The following CD48 variants were observed in gnomAD, a reference collection of about 807,000 sequenced individuals.
CD48 encodes the protein CD48 molecule, also known as CD48 antigen.
CD48 carries 20 observed loss-of-function variants against 22.0 expected under a neutral mutation model. The observed-to-expected ratio is 0.91, with a 90% CI of 0.64 to 1.32. The LOEUF (loss-of-function observed/expected upper bound fraction) is 1.32, where lower values mean the gene tolerates loss of function less well. Ranked by LOEUF, CD48 falls within the 40% of genes most tolerant of loss-of-function variation. The pLI, the probability that CD48 is intolerant of heterozygous loss-of-function variation, is 0.00. For missense variants in CD48, 307 were observed against 286.5 expected (o/e 1.07, Z -0.52); for synonymous variants, 110 against 110.1 (o/e 1.00, Z 0.01).
At chr1:160,686,905 A>G (rs1314705588) in intron 1 of CD48, among the ~76,000 whole-genome samples, 2 of 152,192 alleles carry the variant, frequency 1.3e-5, no homozygotes, top group East Asian at 1.9e-4. Context: ...TTCGGGCACC[A>G]TTGTCATTGA....
chr1:160,691,839 G>A, intron 1 of CD48: 3 of 363,236 alleles, frequency 8.3e-6, no homozygotes, highest in Non-Finnish European at 1.5e-5. Context: ...GAGATCCCGA[G>A]TACATCTACA....
At chr1:160,703,655 T>C (rs763232775) in intron 1 of CD48, among the ~76,000 whole-genome samples, 3 of 152,122 alleles carry the variant, frequency 2.0e-5, no homozygotes, top group Non-Finnish European at 4.4e-5. Flanking sequence ...TGTAAGGAGA[T>C]GATAACTGCC....
At chr1:160,688,759 T>A (rs1662088183) in intron 1 of CD48, among the ~76,000 whole-genome samples, 1 of 152,196 alleles carries the variant, frequency 6.6e-6, no homozygotes, top group Non-Finnish European at 1.5e-5. Flanking sequence ...TGCCTTTATC[T>A]TCCCATTTTA....
intron 1 of CD48, among the ~76,000 whole-genome samples, chr1:160,706,300 C>T (rs1662793497): frequency 6.6e-6 from 1 of 152,116 alleles, no homozygotes; most frequent in Admixed American, 6.5e-5. Context: ...TCTCAAACTC[C>T]TGACCTCAGG....
chr1:160,684,112 G>A (rs1483076524), intron 2 of CD48: 2 of 152,364 alleles, frequency 1.3e-5, no homozygotes, highest in African/African-American at 4.8e-5. Context: ...ACAGTCCACA[G>A]ATTCCTGAAG....
intron 1 of CD48, among the ~76,000 whole-genome samples, chr1:160,698,419 G>T (rs1294903885): frequency 1.3e-5 from 2 of 152,226 alleles, no homozygotes; most frequent in Admixed American, 6.5e-5. Flanking sequence ...CAGTGATTAT[G>T]GGATTAATTG....
chr1:160,703,291 G>A (rs561848798), intron 1 of CD48, among the ~76,000 whole-genome samples: 8 of 152,290 alleles, frequency 5.3e-5, no homozygotes, highest in South Asian at 2.1e-4. Flanking sequence ...ACTTCAGTAC[G>A]AAAAGTTTGT....
intron 1 of CD48, among the ~76,000 whole-genome samples, chr1:160,694,329 C>T (rs775461269): frequency 2.6e-5 from 4 of 152,110 alleles, no homozygotes; most frequent in Non-Finnish European, 5.9e-5. Flanking sequence ...GTGTGTAAGG[C>T]CGTTATTCAA....
chr1:160,681,554 G>A, intron 2 of CD48, 86 bp from the exon 3 acceptor site: 1 of 1,519,778 alleles, frequency 6.6e-7, no homozygotes, highest in Non-Finnish European at 8.9e-7. Flanking sequence ...AGGGATCCAG[G>A]GAAGGGGCCT....
intron 1 of CD48, among the ~76,000 whole-genome samples, chr1:160,701,351 G>A (rs1037070696): frequency 6.6e-5 from 10 of 152,008 alleles, no homozygotes; most frequent in African/African-American, 2.2e-4. Context: ...AGGGGAAAGA[G>A]AATGTTCCAC....
intron 2 of CD48, chr1:160,684,178 G>C (rs1661908130): frequency 6.6e-6 from 1 of 152,250 alleles, no homozygotes; most frequent in South Asian, 2.1e-4. Context: ...GCCCTTCCTA[G>C]CTCTTTTAAA....
chr1:160,680,121 G>C (rs553707912), intron 3 of CD48, among the ~76,000 whole-genome samples: 1 of 152,212 alleles, frequency 6.6e-6, no homozygotes, highest in African/African-American at 2.4e-5. Flanking sequence ...AAACAGCAAC[G>C]TTCTCAGAGG....
rs531584823 is a variant in CD48, at chr1:160,708,054, T to C, written c.82+3628A>G. ...GAAAATACGGAATGCTTAGAGGGCA[T>C]ATAAAAGGGAGCACCTCACTTGAAT... is the stretch of plus-strand genomic sequence containing the variant. On this transcript the variant is annotated intron_variant, in intron 1 of 3. Transcript: ENST00000368046. 4.6e-5 allele frequency among the ~76,000 whole-genome samples: 7 copies of C among 152,268 alleles called. No individual in the cohort carries two copies. In the South Asian group the frequency reaches 1.4e-3, roughly 32 times the overall value.
rs754910182 is a variant in CD48, at chr1:160,679,089, A to G, written c.695T>C (p.Val232Ala). The G allele has an allele frequency of 9.3e-6, 15 of 1,614,180 alleles. No homozygotes were observed. In the East Asian group the frequency reaches 3.1e-4, roughly 34 times the overall value. ...GVEWIASWLVVTVPTILGLLL... is the reference protein window; with the variant it reads ...GVEWIASWLVATVPTILGLLL... ...CAGGCCAAGAATGGTGGGCACCGTG[A>G]CCACTAGCCAACTTGCAATCCATTC... Residue 232 changes from valine to alanine, a missense_variant, in exon 4 of 4, where the codon GTC becomes GCC. By Grantham distance (64) the Val-to-Ala change is moderately conservative. Coordinates refer to ENST00000368046, the MANE Select transcript of CD48 (RefSeq NM_001778.4).
chr1:160,693,127 G>A (rs1091950), intron 1 of CD48, among the ~76,000 whole-genome samples: 21,425 of 151,650 alleles, frequency 0.14, 511 homozygotes, highest in East Asian at 0.41. Flanking sequence ...TGCAAAATGA[G>A]GCCATTGAGC....
intron 1 of CD48, among the ~76,000 whole-genome samples, chr1:160,690,078 C>T (rs531923906): frequency 8.5e-5 from 13 of 152,216 alleles, no homozygotes; most frequent in South Asian, 6.2e-4. Flanking sequence ...TTTTAAAGTG[C>T]GATTGGCCTG....
chr1:160,699,910 C>T (rs1431484337), intron 1 of CD48: 2 of 151,806 alleles, frequency 1.3e-5, no homozygotes, highest in Non-Finnish European at 2.9e-5. Context: ...CCCGGGCCCC[C>T]TTATTTCTTT....
intron 1 of CD48, among the ~76,000 whole-genome samples, chr1:160,709,131 C>T (rs1571076619): frequency 6.6e-6 from 1 of 152,170 alleles, no homozygotes; most frequent in African/African-American, 2.4e-5. Context: ...TTTTAAGCCA[C>T]GGTATTGTGG....
At chr1:160,697,331 G>A (rs1008913074) in intron 1 of CD48, among the ~76,000 whole-genome samples, 1 of 152,304 alleles carries the variant, frequency 6.6e-6, no homozygotes, top group Non-Finnish European at 1.5e-5. Context: ...CACGGAGATG[G>A]TAACACCAGT....
Sources: gnomAD v4.1 joint callset for allele counts (sites outside exome capture counted in the v4.1 genomes callset) on GRCh38, gnomAD v4.1.1 for gene constraint, MANE v1.5 for transcripts, NCBI Gene and HGNC (gene_info 2026-07-23, HGNC 2026-07-21) for gene names.